Variants in RARG observed in about 807,000 individuals in gnomAD.
RARG encodes RAR-gamma.
RARG carries 17 observed loss-of-function variants against 43.7 expected under a neutral mutation model. The observed-to-expected ratio is 0.39, with a 90% CI of 0.27 to 0.58. The LOEUF is 0.58. Among genes scored for constraint, RARG ranks in the 20% least tolerant of loss-of-function variants. RARG has a pLI of 0.57. For synonymous variants in RARG, 238 were observed against 236.4 expected, an observed-to-expected ratio of 1.01 and a Z score of -0.06; for missense variants, 346 against 598.7, an observed-to-expected ratio of 0.58 and a Z score of 4.40.
chr12:53,230,143 T>G (rs1414203230), intron 2 of RARG: 1 of 227,012 alleles, frequency 4.4e-6, no homozygotes, highest in Non-Finnish European at 7.3e-6. Context: ...AGTCCTAAAC[T>G]GAGGCCCCAG....
intron 2 of RARG, among the ~76,000 whole-genome samples, chr12:53,230,861 G>A (rs922221409): frequency 3.3e-5 from 5 of 151,614 alleles, no homozygotes; most frequent in Admixed American, 3.3e-4. Context: ...GTGTGTGTGT[G>A]TGTGTGTGTG....
rs750231126 is a variant in RARG, at chr12:53,215,372, A to G, written c.396T>C (p.Cys132=). The change falls in exon 5 of 10, where the codon TGT becomes TGC. Residue 132 remains cysteine (C), a synonymous_variant. Transcript: ENST00000425354. This position sits in a 1 kb window ranked among gnomAD's most constrained non-coding sequence, Gnocchi z 6.4. ...GATTCCTGGTCACCTTGTTGATGAT[A>G]CAGTTTTTGTCGCGGTGACACGTGT... ...MVYTCHRDKN[C]IINKVTRNRC... is the part of the protein sequence containing the mutation. The G allele has an allele frequency of 5.0e-6, 8 of 1,613,936 alleles. No individual in the cohort carries two copies. The highest frequency in any genetic ancestry group is 2.7e-5 in the African/African-American group (2 of 74,858).
chr12:53,212,315 G>A (rs1942613689), intron 9 of RARG, among the ~76,000 whole-genome samples: 1 of 152,242 alleles, frequency 6.6e-6, no homozygotes, highest in Admixed American at 6.5e-5. Flanking sequence ...GAATACAGTA[G>A]TCATTGGCCA....
At chr12:53,221,054 A>C (rs1483478051) in intron 3 of RARG, among the ~76,000 whole-genome samples, 1 of 151,512 alleles carries the variant, frequency 6.6e-6, no homozygotes, top group Non-Finnish European at 1.5e-5. Context: ...TCCCGCCGTG[A>C]ACTCTCTGGG....
chr12:53,214,560 T>C lies in RARG; in HGVS notation c.522A>G (p.Glu174=). 6.2e-7 allele frequency: 1 copy of C among 1,611,730 alleles called. No homozygotes were observed. Among genetic ancestry groups the C allele is most frequent in the Non-Finnish European group, 8.5e-7 (1 of 1,177,950 alleles). The change falls in exon 6 of 10, where the codon GAA becomes GAG. Residue 174 remains glutamate, a synonymous_variant. Coordinates refer to ENST00000425354, the MANE Select transcript of RARG (RefSeq NM_000966.6). ...RNKKKKEVKE[E]GSPDSYELSP... is the part of the protein sequence containing the mutation. ...TCAGCTCATAGCTGTCAGGTGACCC[T>C]TCTTCCTTCACCTCTTTCTTCTTCT... is the stretch of plus-strand genomic sequence containing the variant.
rs1942653676 is a variant in RARG, at chr12:53,213,156, C to T, written c.1106G>A (p.Arg369Gln). The T allele has an allele frequency of 1.9e-6, 3 of 1,613,774 alleles. No individual in the cohort carries two copies. Among genetic ancestry groups the T allele is most frequent in the Non-Finnish European group, 2.5e-6 (3 of 1,179,794 alleles). ...EALRLYARRR[R>Q]PSQPYMFPRM... ...TGGGAACATGTAGGGCTGGCTGGGC[C>T]GCCGGCGCCGGGCGTACAGCCTCAG... is the stretch of plus-strand genomic sequence containing the variant. Residue 369 changes from arginine (R) to glutamine (Q), a missense_variant, in exon 9 of 10, where the codon CGG becomes CAG. Arg to Gln is a conservative substitution (Grantham distance 43). This residue lies in a region of RARG where 25 missense variants were observed against 23.0 expected (regional missense o/e 1.09). Coordinates refer to ENST00000425354, the MANE Select transcript of RARG (RefSeq NM_000966.6). This position sits in a 1 kb window ranked among gnomAD's most constrained non-coding sequence, Gnocchi z 4.7.
At chr12:53,223,527 C>T (rs1245173113) in intron 3 of RARG, among the ~76,000 whole-genome samples, 2 of 148,724 alleles carry the variant, frequency 1.3e-5, no homozygotes, top group East Asian at 4.2e-4. Context: ...CCCCCCGCCC[C>T]CCCCCCGCCC....
rs1265990580 is a variant in RARG, at chr12:53,213,005, G to C, written c.1177+80C>G. The C allele has an allele frequency of 2.7e-6, 4 of 1,459,896 alleles. No homozygotes were observed. The highest frequency in any genetic ancestry group is 2.8e-6 in the Non-Finnish European group (3 of 1,073,620). 90.4% of individuals were successfully genotyped at this position (1,459,896 alleles called of 1,614,324 possible). On this transcript the variant is annotated intron_variant, in intron 9 of 9. Coordinates refer to ENST00000425354, the MANE Select transcript of RARG (RefSeq NM_000966.6). The surrounding 1 kb of genome is among the most constrained non-coding windows in gnomAD (Gnocchi z 4.7). ...CCTGGTTCTCAACTACTCTGTTCTT[G>C]TCTCTGTGTGTCCTCCTGTCCGACC... is the stretch of plus-strand genomic sequence containing the variant.
intron 2 of RARG, among the ~76,000 whole-genome samples, chr12:53,230,864 TGTG>T (rs1168462000): frequency 1.3e-5 from 2 of 151,714 alleles, no homozygotes; most frequent in African/African-American, 4.8e-5. Flanking sequence ...TGTGTGTGTG[TGTG>T]TGTGTGTGTG....
At chr12:53,219,779 C>CTGCACA (rs1256960191) in intron 3 of RARG, among the ~76,000 whole-genome samples, 1 of 152,232 alleles carries the variant, frequency 6.6e-6, no homozygotes, top group Non-Finnish European at 1.5e-5. Context: ...CCAAACACTA[C>CTGCACA]TGCACACACG....
At chr12:53,222,307 G>C (rs1001552174) in intron 3 of RARG, among the ~76,000 whole-genome samples, 5 of 151,972 alleles carry the variant, frequency 3.3e-5, no homozygotes, top group Admixed American at 2.6e-4. Context: ...AAGAGAGAGA[G>C]AGAGAGAGAA....
At position 53,230,049 on chromosome 12, in the gene RARG, C is replaced by T. The variant is rs77888058; in HGVS notation, c.-143+1120G>A. ...TCCCATTTCTGAGCCTTGGTTCTGT[C>T]GTGGCTGGGAAGAGAAGGGGAGGGT... is the stretch of plus-strand genomic sequence containing the variant. On this transcript the variant is annotated intron_variant, in intron 2 of 9. Coordinates refer to ENST00000425354, the MANE Select transcript of RARG (RefSeq NM_000966.6). 2.0e-3 allele frequency: 1,817 copies of T among 897,580 alleles called. 22 individuals carry two copies. In the African/African-American group the frequency reaches 0.031, roughly 15 times the overall value. The allele number at this position is 897,580 out of a possible 1,614,324, so 55.6% of individuals were successfully genotyped here.
chr12:53,223,598 CGGA>C (rs1437782126), intron 3 of RARG, among the ~76,000 whole-genome samples: 1 of 150,164 alleles, frequency 6.7e-6, no homozygotes, highest in Non-Finnish European at 1.5e-5. Flanking sequence ...GAGCCTGTGC[CGGA>C]GGAGGAGAGA....
At chr12:53,223,539 A>G (rs1226834123) in intron 3 of RARG, among the ~76,000 whole-genome samples, 1 of 91,344 alleles carries the variant, frequency 1.1e-5, no homozygotes, top group Admixed American at 1.2e-4. Context: ...CCCCCGCCCA[A>G]GAGGTTTCCT....
intron 5 of RARG, 160 bp from the exon 6 acceptor site, chr12:53,214,766 A>G: frequency 1.2e-5 from 10 of 823,790 alleles, no homozygotes; most frequent in Non-Finnish European, 1.8e-5. Flanking sequence ...AATAGCTCCT[A>G]TTCCCAGGCT....
chr12:53,222,543 T>C (rs1277793998), intron 3 of RARG, among the ~76,000 whole-genome samples: 1 of 151,512 alleles, frequency 6.6e-6, no homozygotes, highest in Non-Finnish European at 1.5e-5. Flanking sequence ...GGGAGGGGGG[T>C]TGGGAGGAGG....
rs757069934 is a variant in RARG, at chr12:53,211,898, G to A, written c.1178-35C>T. 2.9e-6 allele frequency: 4 copies of A among 1,368,702 alleles called. No homozygotes were observed. In the Admixed American group the frequency reaches 8.4e-5, roughly 29 times the overall value. 84.8% of individuals were successfully genotyped at this position (1,368,702 alleles called of 1,614,324 possible). A position where few individuals can be genotyped will look rare whatever the true frequency, so the allele number is the denominator to read the frequency against. ...AGAGAGAAAGAGAGAGGCTCAGGAGGACAGAGGCACATGGCCCTTAAGGCC... is the reference window on the plus strand; with the variant it reads ...AGAGAGAAAGAGAGAGGCTCAGGAGAACAGAGGCACATGGCCCTTAAGGCC... On this transcript the variant is annotated intron_variant, in intron 9 of 9. Coordinates refer to ENST00000425354, the MANE Select transcript of RARG (RefSeq NM_000966.6). The surrounding 1 kb of genome is among the most constrained non-coding windows in gnomAD (Gnocchi z 4.6).
In RARG at chr12:53,212,763, CACACACACACACACACAT is replaced by C. The variant is rs1186381352; in HGVS notation, c.1177+304_1177+321del. On this transcript the variant is annotated intron_variant, in intron 9 of 9. Coordinates refer to ENST00000425354, the MANE Select transcript of RARG (RefSeq NM_000966.6). ...ACACACACACACACACACACACACACACACACACACACACACATACTTGGAATTGTGCTGAATTAAAAA... is the reference window on the plus strand; with the variant it reads ...ACACACACACACACACACACACACACACTTGGAATTGTGCTGAATTAAAAA... 3.3e-3 allele frequency among the ~76,000 whole-genome samples: 508 copies of C among 151,704 alleles called. 3 individuals are homozygous for C. The highest frequency in any genetic ancestry group is 0.012 in the African/African-American group (479 of 41,098).
chr12:53,213,420 C>G lies in RARG; in HGVS notation c.1018+76G>C. 6.5e-7 allele frequency: 1 copy of G among 1,549,484 alleles called. No individual in the cohort carries two copies. Among genetic ancestry groups the G allele is most frequent in the Non-Finnish European group, 8.8e-7 (1 of 1,130,478 alleles). The stretch of plus-strand genomic sequence containing the variant: ...GAGACCACTGGGTCCTCCACGCCCC[C>G]TCCCAGACAGATTCCGCATGGAGTG... On this transcript the variant is annotated intron_variant, in intron 8 of 9. Transcript: ENST00000425354. This position sits in a 1 kb window ranked among gnomAD's most constrained non-coding sequence, Gnocchi z 4.7.
Sources: gnomAD v4.1 joint callset for allele counts (sites outside exome capture counted in the v4.1 genomes callset) on GRCh38, gnomAD v4.1.1 for gene constraint, gnomAD v4.1.1 regional missense constraint, Gnocchi (gnomAD v3.1) non-coding constraint, MANE v1.5 for transcripts, NCBI Gene and HGNC (gene_info 2026-07-23, HGNC 2026-07-21) for gene names.